Variants in VWA7 observed in about 807,000 individuals in gnomAD.
VWA7 encodes the protein von Willebrand factor A domain containing 7, also known as von Willebrand factor A domain-containing protein 7.
VWA7 carries 66 observed loss-of-function variants against 83.1 expected under a neutral mutation model. That is an observed-to-expected ratio of 0.79 (90% CI 0.65 to 0.98). The LOEUF is 0.98. VWA7 is among the 50% of genes least tolerant of loss of function. The pLI is 0.00. For synonymous variants in VWA7, 424 were observed against 488.5 expected (o/e 0.87, Z 1.74); for missense variants, 1,080 against 1,160.2 (o/e 0.93, Z 1.00).
Position 31,773,209 on chromosome 6 carries a change from C to G in VWA7, c.917+33G>C. On this transcript the variant is annotated intron_variant, in intron 6 of 16. Coordinates refer to ENST00000375688, the MANE Select transcript of VWA7 (RefSeq NM_025258.3). The surrounding 1 kb of genome is among the most constrained non-coding windows in gnomAD (Gnocchi z 5.3). ...CTCCCTTCCCGCAGGAGCGCCTCCC[C>G]ATGAAGGGGTCCATCCCCAGGAGGC... 6.3e-7 allele frequency: 1 copy of G among 1,592,132 alleles called. No homozygotes were observed. The highest frequency in any genetic ancestry group is 1.3e-5 in the African/African-American group (1 of 74,658).
Position 31,767,177 on chromosome 6 carries a change from G to C in VWA7, c.1863C>G (p.Pro621=), listed in dbSNP as rs373994052. 1.3e-4 allele frequency: 196 copies of C among 1,538,870 alleles called. No homozygotes were observed. The Middle Eastern group carries it at 1.9e-3, about 15-fold the overall frequency. The change falls in exon 13 of 17, where the codon CCC becomes CCG. Residue 621 remains proline, a synonymous_variant. Coordinates refer to ENST00000375688, the MANE Select transcript of VWA7 (RefSeq NM_025258.3). ...MEDGPHPGLY[P]LTQPVAGLQT... is the part of the protein sequence containing the mutation. Reference sequence around the variant, plus strand: ...ATGTACCTGCAACTGGCTGAGTCAGGGGGTAGAGGCCAGGGTGGGGTCCAT... The same window carrying C: ...ATGTACCTGCAACTGGCTGAGTCAGCGGGTAGAGGCCAGGGTGGGGTCCAT...
chr6:31,767,797 G>A (rs1178883663), intron 10 of VWA7, 43 bp from the exon 11 acceptor site: 1 of 1,578,938 alleles, frequency 6.3e-7, no homozygotes, highest in Non-Finnish European at 8.7e-7. Context: ...AGAAGATGAG[G>A]TATGGGATGA....
rs767643186 is a variant in VWA7, at chr6:31,776,259, G to A, written c.235-17C>T. The A allele has an allele frequency of 1.9e-6, 3 of 1,604,956 alleles. No individual in the cohort carries two copies. Among genetic ancestry groups the A allele is most frequent in the Non-Finnish European group, 2.6e-6 (3 of 1,174,394 alleles). On this transcript the variant is annotated splice_polypyrimidine_tract_variant and intron_variant, in intron 2 of 16. Transcript: ENST00000375688. This position sits in a 1 kb window ranked among gnomAD's most constrained non-coding sequence, Gnocchi z 6.2. ...TGTTCGACCCTGGGGAGAATAGCGGGCGACGGGGCTCCAGGGAGGCCCTTT... is the reference window on the plus strand; with the variant it reads ...TGTTCGACCCTGGGGAGAATAGCGGACGACGGGGCTCCAGGGAGGCCCTTT...
chr6:31,770,035 C>G lies in VWA7; in HGVS notation c.1166G>C (p.Gly389Ala). Residue 389 changes from glycine to alanine, a missense_variant, in exon 8 of 17, where the codon GGA becomes GCA. Coordinates refer to ENST00000375688, the MANE Select transcript of VWA7 (RefSeq NM_025258.3). ...QLNEIHALGGGDEPEMCLSAL... is the reference protein window; with the variant it reads ...QLNEIHALGGADEPEMCLSAL... ...TGACAGGCACATCTCAGGCTCGTCT[C>G]CACCCCCCAAGGCATGGATCTCATT... 1 of 1,612,874 alleles carries G rather than the reference C, an allele frequency of 6.2e-7. No individual in the cohort carries two copies. The highest frequency in any genetic ancestry group is 8.5e-7 in the Non-Finnish European group (1 of 1,179,986).
Position 31,776,190 on chromosome 6 carries a change from G to A in VWA7, c.287C>T (p.Ser96Phe). 3 of 1,614,114 alleles carry A rather than the reference G, an allele frequency of 1.9e-6. No homozygotes were observed. Among genetic ancestry groups the A allele is most frequent in the South Asian group, 1.1e-5 (1 of 91,080 alleles). The change falls in exon 3 of 17, where the codon TCT becomes TTT. Residue 96 changes from serine to phenylalanine, a missense_variant. Transcript: ENST00000375688. The surrounding 1 kb of genome is among the most constrained non-coding windows in gnomAD (Gnocchi z 6.2). Reference protein sequence around the residue: ...DLFAAYFGPGSSRRFRAALGE... With the variant: ...DLFAAYFGPGFSRRFRAALGE... Reference sequence around the variant, plus strand: ...TAAGGCTGCTCGGAACCGCCGAGAAGAACCAGGTCCAAAGTAGGCGGCAAA... The same window carrying A: ...TAAGGCTGCTCGGAACCGCCGAGAAAAACCAGGTCCAAAGTAGGCGGCAAA...
chr6:31,767,224 G>T lies in VWA7; in HGVS notation c.1816C>A (p.His606Asn). 6.2e-7 allele frequency: 1 copy of T among 1,607,056 alleles called. No individual in the cohort carries two copies. Among genetic ancestry groups the T allele is most frequent in the Non-Finnish European group, 8.5e-7 (1 of 1,177,674 alleles). Residue 606 changes from histidine to asparagine, a missense_variant, in exon 13 of 17, where the codon CAC becomes AAC. By Grantham distance (68) the His-to-Asn change is moderately conservative (BLOSUM62 1). Transcript: ENST00000375688. ...QAQTSLDFLFHFGIPMEDGPH... is the reference protein window; with the variant it reads ...QAQTSLDFLFNFGIPMEDGPH... ...CCATCCTCCATGGGGATCCCAAAGT[G>T]GAAGAGGAAGTCCAGGGAGGTCTGG...
In VWA7 at chr6:31,767,438, G is replaced by A; in HGVS notation, c.1713C>T (p.Thr571=). The change falls in exon 12 of 17, where the codon ACC becomes ACT. Residue 571 remains threonine (T), a synonymous_variant. Coordinates refer to ENST00000375688, the MANE Select transcript of VWA7 (RefSeq NM_025258.3). ...TTCCTGTCTGTGGAGGGTCATCCAT[G>A]GTCACCATCCAGAACTGCCCAAAGC... ...TRRFGQFWMV[T]MDDPPQTGTW... The A allele has an allele frequency of 6.2e-7, 1 of 1,613,052 alleles. No individual in the cohort carries two copies. Among genetic ancestry groups the A allele is most frequent in the Non-Finnish European group, 8.5e-7 (1 of 1,179,956 alleles).
chr6:31,766,874 A>T lies in VWA7; in HGVS notation c.1883-110T>A. The T allele has an allele frequency of 8.0e-7, 1 of 1,252,814 alleles. No homozygotes were observed. Among genetic ancestry groups the T allele is most frequent in the Admixed American group, 2.7e-5 (1 of 36,698 alleles). The allele number at this position is 1,252,814 out of a possible 1,614,324, so 77.6% of individuals were successfully genotyped here. On this transcript the variant is annotated intron_variant, in intron 13 of 16. Transcript: ENST00000375688. The surrounding 1 kb of genome is among the most constrained non-coding windows in gnomAD (Gnocchi z 4.9). ...CCCTCTGGGGAGTATGGATGGGAAAATAGGTTACCTTCGAGGGGTATTGAT... is the reference window on the plus strand; with the variant it reads ...CCCTCTGGGGAGTATGGATGGGAAATTAGGTTACCTTCGAGGGGTATTGAT...
Position 31,774,601 on chromosome 6 carries a change from G to C in VWA7, c.636C>G (p.Cys212Trp). ...AQVADPTCSD[C>W]EELSCPRNWL... ...AATTCCTGGGGCAGCTCAACTCCTC[G>C]CAATCGGAGCAGGTAGGATCGGCCA... The change falls in exon 5 of 17, where the codon TGC becomes TGG. Residue 212 changes from cysteine to tryptophan, a missense_variant. Cys to Trp is a radical substitution (Grantham distance 215, BLOSUM62 -2). Coordinates refer to ENST00000375688, the MANE Select transcript of VWA7 (RefSeq NM_025258.3). The C allele has an allele frequency of 6.2e-7, 1 of 1,612,694 alleles. No homozygotes were observed. Among genetic ancestry groups the C allele is most frequent in the Non-Finnish European group, 8.5e-7 (1 of 1,179,932 alleles).
chr6:31,777,100 C>T lies in VWA7; in HGVS notation c.-16+9G>A, dbSNP rs1812760473. The stretch of plus-strand genomic sequence containing the variant: ...CAGGAAGCCTGAGTCCTCTCAGGCC[C>T]TCCCCTACCTGGTTGCTGGGTCTCC... On this transcript the variant is annotated intron_variant, in intron 1 of 16. Coordinates refer to ENST00000375688, the MANE Select transcript of VWA7 (RefSeq NM_025258.3). The surrounding 1 kb of genome is among the most constrained non-coding windows in gnomAD (Gnocchi z 5.8). 1 of 386,302 alleles carries T rather than the reference C, an allele frequency of 2.6e-6. No individual in the cohort carries two copies. The highest frequency in any genetic ancestry group is 4.6e-6 in the Non-Finnish European group (1 of 216,476). 23.9% of individuals were successfully genotyped at this position (386,302 alleles called of 1,614,324 possible).
At chr6:31,767,332 TC>T (rs1331538849) in intron 12 of VWA7, 29 bp downstream of exon 12, 2 of 1,612,632 alleles carry the variant, frequency 1.2e-6, no homozygotes, top group Non-Finnish European at 1.7e-6. Context: ...AGTCTCTGCT[TC>T]CCCTTCCCAG....
In VWA7 at chr6:31,773,462, G is replaced by T. The variant is rs997765041; in HGVS notation, c.722-25C>A. The T allele has an allele frequency of 6.5e-7, 1 of 1,539,048 alleles. No homozygotes were observed. Among genetic ancestry groups the T allele is most frequent in the East Asian group, 2.4e-5 (1 of 42,338 alleles). Reference sequence around the variant, plus strand: ...CCTGGGTTGGGGAAAGGGATCTGGAGAGTGGAGGTCAAAAACCCACTGCCT... The same window carrying T: ...CCTGGGTTGGGGAAAGGGATCTGGATAGTGGAGGTCAAAAACCCACTGCCT... On this transcript the variant is annotated intron_variant, in intron 5 of 16. Coordinates refer to ENST00000375688, the MANE Select transcript of VWA7 (RefSeq NM_025258.3). The surrounding 1 kb of genome is among the most constrained non-coding windows in gnomAD (Gnocchi z 5.3).
intron 11 of VWA7, 49 bp downstream of exon 11, chr6:31,767,573 C>A (rs371710904): frequency 6.3e-7 from 1 of 1,599,268 alleles, no homozygotes; most frequent in South Asian, 1.1e-5. Context: ...TACATCCCCT[C>A]GATTGTCTAT....
At chr6:31,772,564 C>CT (rs1186041790) in intron 7 of VWA7, among the ~76,000 whole-genome samples, 16 of 76,988 alleles carry the variant, frequency 2.1e-4, no homozygotes, top group East Asian at 1.4e-3. Flanking sequence ...TTTATCTTTT[C>CT]TTTTTTTTTT....
intron 7 of VWA7, among the ~76,000 whole-genome samples, chr6:31,770,957 G>C (rs1468612340): frequency 7.1e-6 from 1 of 141,504 alleles, no homozygotes; most frequent in African/African-American, 2.6e-5. Flanking sequence ...AGGCATGATT[G>C]TACCATTGCA....
chr6:31,776,646 TG>T lies in VWA7; in HGVS notation c.133del (p.His45ThrfsTer4), dbSNP rs1303119174. The T allele has an allele frequency of 3.2e-6, 5 of 1,545,752 alleles. No homozygotes were observed. The African/African-American group carries it at 6.9e-5, about 21-fold the overall frequency. ...SLLAAPGSIT[H>X]QDLTEEAALN... is the part of the protein sequence containing the mutation. ...CGCTGCCTCCTCAGTTAGGTCTTGG[TG>T]GGTGATGGAGCCAGGGGCAGCCAGC... On this transcript the variant is annotated frameshift_variant, in exon 2 of 17. Transcript: ENST00000375688. LOFTEE classifies it high-confidence loss of function. The surrounding 1 kb of genome is among the most constrained non-coding windows in gnomAD (Gnocchi z 6.2).
rs529623335 is a variant in VWA7 at position 31,766,131 on chromosome 6, C to T, written c.2325-74G>A. ...TAGAGTCGGGACGCCTGCAGGGGCA[C>T]GGGAGCGGAGAGGAGGATTCTGAGG... On this transcript the variant is annotated intron_variant, in intron 15 of 16. Coordinates refer to ENST00000375688, the MANE Select transcript of VWA7 (RefSeq NM_025258.3). This position sits in a 1 kb window ranked among gnomAD's most constrained non-coding sequence, Gnocchi z 4.9. 5.6e-6 allele frequency: 9 copies of T among 1,596,016 alleles called. No individual in the cohort carries two copies. Among genetic ancestry groups the T allele is most frequent in the Admixed American group, 5.1e-5 (3 of 58,426 alleles).
In VWA7 at chr6:31,766,350, C is replaced by T; in HGVS notation, c.2219G>A (p.Ser740Asn). ...SGPSGFLAPG[S>N]KVPLSLRIAS... ...GATGCGGAGACTGAGCGGGACTTTG[C>T]TGCCCGGGGCCAAGAAACCCGAGGG... Residue 740 changes from serine (S) to asparagine (N), a missense_variant, in exon 15 of 17, where the codon AGC becomes AAC. Ser to Asn is a conservative substitution (Grantham distance 46). Transcript: ENST00000375688. This position sits in a 1 kb window ranked among gnomAD's most constrained non-coding sequence, Gnocchi z 4.9. 6.2e-7 allele frequency: 1 copy of T among 1,606,360 alleles called. No homozygotes were observed. The highest frequency in any genetic ancestry group is 8.5e-7 in the Non-Finnish European group (1 of 1,177,380).
chr6:31,767,745 G>A lies in VWA7; in HGVS notation c.1513C>T (p.Pro505Ser). The A allele has an allele frequency of 6.2e-7, 1 of 1,606,456 alleles. No individual in the cohort carries two copies. The highest frequency in any genetic ancestry group is 2.2e-5 in the East Asian group (1 of 44,570). ...GESMAALVTL[P>S]LDPPVVVPGQ... ...GGCACCACAACAGGAGGGTCCAGGG[G>A]AAGAGTCACCTTGAGGGATTGGCAG... is the stretch of plus-strand genomic sequence containing the variant. Residue 505 changes from proline to serine, a missense_variant, in exon 11 of 17, where the codon CCC (proline) becomes TCC (serine). Transcript: ENST00000375688.
Sources: allele counts gnomAD v4.1 joint callset (sites outside exome capture counted in the v4.1 genomes callset), GRCh38; gene constraint gnomAD v4.1.1; non-coding constraint Gnocchi (gnomAD v3.1); transcripts MANE v1.5; gene names NCBI Gene and HGNC (gene_info 2026-07-23, HGNC 2026-07-21).